Variants in HHIPL2 observed in about 807,000 individuals in gnomAD.
HHIPL2 encodes HHIP like 2, also known as HHIP-like protein 2.
Under a neutral mutation model 61.0 loss-of-function variants are expected in HHIPL2, and 61 were observed. The observed-to-expected ratio is 1.00, with a 90% CI of 0.81 to 1.24. The LOEUF (loss-of-function observed/expected upper bound fraction) is 1.24, where lower values mean the gene tolerates loss of function less well. Among genes scored for constraint, HHIPL2 ranks in the 50% most tolerant of loss-of-function variants. The probability of loss-of-function intolerance (pLI) is 0.00; values close to 1 mark genes in which losing one functional copy is unlikely to be tolerated. For missense variants in HHIPL2, 885 were observed against 910.2 expected (o/e 0.97, Z 0.36); for synonymous variants, 343 against 357.4 (o/e 0.96, Z 0.45).
In HHIPL2 at chr1:222,523,411, G is replaced by A. The variant is rs540275850; in HGVS notation, c.1888+201C>T. Among the ~76,000 whole-genome samples the A allele has an allele frequency of 5.9e-5, 9 of 152,250 alleles. No individual in the cohort carries two copies. The South Asian group carries it at 1.0e-3, about 18-fold the overall frequency. On this transcript the variant is annotated intron_variant, in intron 8 of 8. Transcript: ENST00000343410. ...TGAATCAACAAACGAATGAATGAAC[G>A]AATAACTAGAGGAAACCGGTCACAG...
At chr1:222,543,411 G>A in intron 2 of HHIPL2, 126 bp downstream of exon 2, 9 of 951,584 alleles carry the variant, frequency 9.5e-6, no homozygotes, top group Non-Finnish European at 1.4e-5. Flanking sequence ...AATCCACAGT[G>A]ACTCCTTTCT....
chr1:222,528,416 G>A lies in HHIPL2; in HGVS notation c.1724-1366C>T, dbSNP rs1335069377. 2.6e-5 allele frequency among the ~76,000 whole-genome samples: 4 copies of A among 152,280 alleles called. No homozygotes were observed. The South Asian group carries it at 6.2e-4, about 24-fold the overall frequency. On this transcript the variant is annotated intron_variant, in intron 6 of 8. Coordinates refer to ENST00000343410, the MANE Select transcript of HHIPL2 (RefSeq NM_024746.4). ...GAGGTAAGGAGTTCAAGATGAGCCT[G>A]GCCAACATGGCAAAACCCCCTCTCT...
intron 4 of HHIPL2, 113 bp from the exon 5 acceptor site, chr1:222,538,887 C>T: frequency 9.4e-7 from 1 of 1,058,334 alleles, no homozygotes; most frequent in Non-Finnish European, 1.4e-6. Context: ...AACACTTTAC[C>T]TCTTGGTCTT....
At chr1:222,524,006 C>T (rs567010419) in intron 7 of HHIPL2, 2 of 345,412 alleles carry the variant, frequency 5.8e-6, no homozygotes, top group East Asian at 6.2e-5. Flanking sequence ...TCAGTCTCCA[C>T]ATCTATCAAA....
At position 222,548,103 on chromosome 1, in the gene HHIPL2, C is replaced by G; in HGVS notation, c.-59G>C. 1 of 1,197,022 alleles carries G rather than the reference C, an allele frequency of 8.4e-7. No homozygotes were observed. 74.2% of individuals were successfully genotyped at this position (1,197,022 alleles called of 1,614,324 possible). ...GCTCAGGTTGGCTTCCCTGCTCTGC[C>G]CAAGGTCCTCCCTCTCTTCCTCCCC... is the stretch of plus-strand genomic sequence containing the variant. On this transcript the variant is annotated 5_prime_UTR_variant, in exon 1 of 9. Coordinates refer to ENST00000343410, the MANE Select transcript of HHIPL2 (RefSeq NM_024746.4).
chr1:222,539,900 A>T, intron 4 of HHIPL2, 110 bp downstream of exon 4: 1 of 881,592 alleles, frequency 1.1e-6, no homozygotes, highest in Non-Finnish European at 1.8e-6. Flanking sequence ...GACACAAACA[A>T]GGCGTGATTT....
At chr1:222,542,528 CTTTT>C (rs772394115) in intron 2 of HHIPL2, among the ~76,000 whole-genome samples, 9 of 97,174 alleles carry the variant, frequency 9.3e-5, no homozygotes, top group South Asian at 3.6e-4. Context: ...CCACATCTGG[CTTTT>C]TTTTTTTTTT....
intron 3 of HHIPL2, 56 bp downstream of exon 3, chr1:222,541,956 C>T: frequency 1.3e-6 from 2 of 1,532,832 alleles, no homozygotes; most frequent in South Asian, 2.5e-5. Context: ...CCTGCAAAAA[C>T]ACCACACCAG....
chr1:222,546,650 C>G (rs1659561927), intron 1 of HHIPL2, among the ~76,000 whole-genome samples: 1 of 152,144 alleles, frequency 6.6e-6, no homozygotes, highest in South Asian at 2.1e-4. Flanking sequence ...AATGGGAATC[C>G]TAGAGTTAAT....
chr1:222,544,240 A>G (rs372156859), intron 1 of HHIPL2, 51 bp from the exon 2 acceptor site: 4 of 1,548,218 alleles, frequency 2.6e-6, no homozygotes. Flanking sequence ...CCACACCGGC[A>G]CTTGTCTCAA....
chr1:222,543,393 C>T (rs1659476537), intron 2 of HHIPL2, 144 bp downstream of exon 2: 2 of 802,822 alleles, frequency 2.5e-6, no homozygotes, highest in African/African-American at 1.7e-5. Flanking sequence ...CTAACTTGGG[C>T]CGTTCTCAAT....
chr1:222,538,417 G>GAGAGAT (rs1408900481), intron 5 of HHIPL2, among the ~76,000 whole-genome samples: 114 of 121,056 alleles, frequency 9.4e-4, no homozygotes, highest in East Asian at 2.6e-3. Context: ...TGGTATGAGA[G>GAGAGAT]AGAGACAGAG....
chr1:222,526,981 AC>A lies in HHIPL2; in HGVS notation c.1792del (p.Val598LeufsTer19), dbSNP rs1375923594. On this transcript the variant is annotated frameshift_variant, in exon 7 of 9. Transcript: ENST00000343410. LOFTEE classifies it high-confidence loss of function. Reference sequence around the variant, plus strand: ...CATCAAATCTCACCTTGAGGGGTCAACAAACTTGTAAATAGATCCACGTGGT... The same window carrying A: ...CATCAAATCTCACCTTGAGGGGTCAAAAACTTGTAAATAGATCCACGTGGT... The part of the protein sequence containing the change: ...YAPRGSIYKF[V>X]DPSRRAPPGK... The A allele has an allele frequency of 3.1e-6, 5 of 1,613,260 alleles. No homozygotes were observed. In the South Asian group the frequency reaches 4.4e-5, roughly 14 times the overall value.
chr1:222,526,907 C>A, intron 7 of HHIPL2, 62 bp downstream of exon 7: 1 of 1,370,084 alleles, frequency 7.3e-7, no homozygotes, highest in Non-Finnish European at 1.0e-6. Context: ...GTTTTTATGG[C>A]CTGCCATGGA....
chr1:222,529,178 T>C (rs574353758), intron 6 of HHIPL2, among the ~76,000 whole-genome samples: 2 of 152,318 alleles, frequency 1.3e-5, no homozygotes, highest in African/African-American at 4.8e-5. Flanking sequence ...GTGCTAAGTG[T>C]GAGCCTCATG....
chr1:222,525,818 G>A (rs896741444), intron 7 of HHIPL2, among the ~76,000 whole-genome samples: 1 of 151,924 alleles, frequency 6.6e-6, no homozygotes, highest in African/African-American at 2.4e-5. Context: ...GGGCAACATG[G>A]CAAAACCCCG....
At chr1:222,536,765 G>A (rs1381239617) in intron 5 of HHIPL2, among the ~76,000 whole-genome samples, 1 of 152,094 alleles carries the variant, frequency 6.6e-6, no homozygotes, top group Non-Finnish European at 1.5e-5. Context: ...ATGTAAAAAG[G>A]ATGGGGCCGG....
At chr1:222,528,820 A>ATTT (rs59113896) in intron 6 of HHIPL2, among the ~76,000 whole-genome samples, 3,643 of 128,770 alleles carry the variant, frequency 0.028, 225 homozygotes, top group African/African-American at 0.1. Flanking sequence ...TAAACAACTA[A>ATTT]TTTTTTTTTT....
chr1:222,522,581 C>T lies in HHIPL2; in HGVS notation c.*20G>A, dbSNP rs375617331. ...GCTCTCCTCTCTCACGTCACCCTGT[C>T]GGCCACCTTGACCAATAGGTCAAGG... is the stretch of plus-strand genomic sequence containing the variant. On this transcript the variant is annotated 3_prime_UTR_variant, in exon 9 of 9. Coordinates refer to ENST00000343410, the MANE Select transcript of HHIPL2 (RefSeq NM_024746.4). The T allele has an allele frequency of 8.1e-6, 13 of 1,605,096 alleles. 1 individual carries two copies. The highest frequency in any genetic ancestry group is 5.3e-5 in the African/African-American group (4 of 74,808).
Sources: allele counts gnomAD v4.1 joint callset (sites outside exome capture counted in the v4.1 genomes callset), GRCh38; gene constraint gnomAD v4.1.1; transcripts MANE v1.5; gene names NCBI Gene and HGNC (gene_info 2026-07-23, HGNC 2026-07-21).